RELN: variants seen among roughly 807,000 people sequenced by gnomAD.
RELN encodes reelin.
In RELN, 108 loss-of-function variants were observed where a neutral mutation model predicts 427.6. The observed-to-expected ratio is 0.25, with a 90% confidence interval of 0.22 to 0.30. The LOEUF is 0.30. Ranked by LOEUF, RELN falls within the 10% of genes least tolerant of loss-of-function variation. RELN has a pLI of 1.00. For missense variants in RELN, 3,715 were observed against 4,302.8 expected (o/e 0.86, Z 3.82); for synonymous variants, 1,524 against 1,513.4 (o/e 1.01, Z -0.16).
At chr7:103,796,895 G>GAAAAAAAAAAAAAAAAAAAAAAAAAAAAA (rs1563018914) in intron 3 of RELN, among the ~76,000 whole-genome samples, 1 of 105,780 alleles carries the variant, frequency 9.5e-6, no homozygotes, top group Non-Finnish European at 1.8e-5. Flanking sequence ...AAAAAAAAAA[G>GAAAAAAAAAAAAAAAAAAAAAAAAAAAAA]AAAGAAAGAA....
At chr7:103,955,829 C>G (rs1796421895) in intron 1 of RELN, among the ~76,000 whole-genome samples, 1 of 152,144 alleles carries the variant, frequency 6.6e-6, no homozygotes, top group South Asian at 2.1e-4. Flanking sequence ...AGCTTCAGAC[C>G]TTGTCCTGAG....
Position 103,651,808 on chromosome 7 carries a change from G to GCA in RELN, c.1764-21_1764-20dup. On this transcript the variant is annotated intron_variant, in intron 14 of 64. Transcript: ENST00000428762. Reference sequence around the variant, plus strand: ...GCTGACACTAATAAAACCAGAACAAGCACACACAAAAGGTGGGGAGGGTAA... The same window carrying GCA: ...GCTGACACTAATAAAACCAGAACAAGCACACACACAAAAGGTGGGGAGGGTAA... 6.2e-7 allele frequency: 1 copy of GCA among 1,609,510 alleles called. No individual in the cohort carries two copies. Among genetic ancestry groups the GCA allele is most frequent in the Non-Finnish European group, 8.5e-7 (1 of 1,177,250 alleles).
At chr7:103,591,912 T>C (rs1831424757) in intron 27 of RELN, among the ~76,000 whole-genome samples, 1 of 152,188 alleles carries the variant, frequency 6.6e-6, no homozygotes, top group African/African-American at 2.4e-5. Flanking sequence ...ATACATATGT[T>C]TAAGTCTCTC....
At chr7:103,521,985 A>C in intron 48 of RELN, 37 bp downstream of exon 48, 1 of 1,607,636 alleles carries the variant, frequency 6.2e-7, no homozygotes, top group Non-Finnish European at 8.5e-7. Context: ...GGAACTTAAG[A>C]AGAGCAGAAA....
chr7:103,481,944 A>G (rs73712399), intron 63 of RELN: 8,213 of 152,274 alleles, frequency 0.054, 720 homozygotes, highest in African/African-American at 0.19. Flanking sequence ...TGTGGGGACC[A>G]GGTTGCTCTT....
chr7:103,700,774 C>T (rs1834072964), intron 9 of RELN, 136 bp downstream of exon 9: 1 of 698,700 alleles, frequency 1.4e-6, no homozygotes, highest in Non-Finnish European at 2.6e-6. Flanking sequence ...ATATGTGCAT[C>T]CATAGAATTC....
chr7:103,540,348 A>G lies in RELN; in HGVS notation c.6779T>C (p.Leu2260Pro), dbSNP rs867067019. Reference sequence around the variant, plus strand: ...ATTGCTGAAAAGGAACTCCTGAAGAAGACTCCACGAGAGGCCACCGTTGAG... The same window carrying G: ...ATTGCTGAAAAGGAACTCCTGAAGAGGACTCCACGAGAGGCCACCGTTGAG... Reference protein sequence around the residue: ...YSLNGGLSWSLLQEFLFSNSS... With the variant: ...YSLNGGLSWSPLQEFLFSNSS... The change falls in exon 44 of 65, where the codon CTT becomes CCT. Residue 2260 changes from leucine to proline, a missense_variant. This residue lies in a region of RELN where 1,310 missense variants were observed against 1,643.0 expected (regional missense o/e 0.80). Transcript: ENST00000428762. 4.3e-6 allele frequency: 7 copies of G among 1,614,112 alleles called. 1 individual carries two copies. In the Middle Eastern group the frequency reaches 1.2e-3, roughly 266 times the overall value.
intron 3 of RELN, among the ~76,000 whole-genome samples, chr7:103,803,554 T>C (rs1792520700): frequency 6.6e-6 from 1 of 152,094 alleles, no homozygotes; most frequent in African/African-American, 2.4e-5. Flanking sequence ...ATTAAATAAA[T>C]ACTCTTTGGC....
At chr7:103,882,452 C>T (rs1012364286) in intron 2 of RELN, among the ~76,000 whole-genome samples, 1 of 151,994 alleles carries the variant, frequency 6.6e-6, no homozygotes, top group African/African-American at 2.4e-5. Flanking sequence ...CAATTTGGGT[C>T]CGTAAATTTT....
In RELN at chr7:103,872,027, TATA is replaced by T. The variant is rs769181056; in HGVS notation, c.338-38358_338-38356del. Among the ~76,000 whole-genome samples, 396 of 92,312 alleles carry T rather than the reference TATA, an allele frequency of 4.3e-3. 1 individual carries two copies. The highest frequency in any genetic ancestry group is 0.025 in the East Asian group (82 of 3,266). 60.6% of individuals were successfully genotyped at this position (92,312 alleles called of 152,430 possible). A position where few individuals can be genotyped will look rare whatever the true frequency, so the allele number is the denominator to read the frequency against. ...TACAGTATATGAATATATATATATA[TATA>T]TTTTTCTTTTTTCTTTTTTTTCTTT... On this transcript the variant is annotated intron_variant, in intron 2 of 64. Transcript: ENST00000428762.
At chr7:103,793,275 T>C (rs1259599769) in intron 3 of RELN, among the ~76,000 whole-genome samples, 1 of 152,246 alleles carries the variant, frequency 6.6e-6, no homozygotes, top group Non-Finnish European at 1.5e-5. Flanking sequence ...CTAGCATATG[T>C]ATAGCAAAGC....
chr7:103,495,430 A>T (rs1252393852), intron 57 of RELN, among the ~76,000 whole-genome samples: 1 of 149,498 alleles, frequency 6.7e-6, no homozygotes, highest in Non-Finnish European at 1.5e-5. Context: ...CCAGCCTCCC[A>T]AAGTGGTGGG....
Position 103,640,646 on chromosome 7 carries a change from A to G in RELN, c.2003-37T>C. The G allele has an allele frequency of 6.2e-7, 1 of 1,601,512 alleles. No homozygotes were observed. Among genetic ancestry groups the G allele is most frequent in the East Asian group, 2.2e-5 (1 of 44,578 alleles). ...AAAAAGAGAACATAATTACAAAAAC[A>G]TAGAACACTACCAGTACAATTTTGT... is the stretch of plus-strand genomic sequence containing the variant. On this transcript the variant is annotated intron_variant, in intron 16 of 64. Transcript: ENST00000428762. This position sits in a 1 kb window ranked among gnomAD's most constrained non-coding sequence, Gnocchi z 4.1.
chr7:103,720,886 T>C (rs1790059613), intron 8 of RELN, among the ~76,000 whole-genome samples: 1 of 152,152 alleles, frequency 6.6e-6, no homozygotes, highest in Non-Finnish European at 1.5e-5. Context: ...AAAACATTTC[T>C]GGAAAGTTCT....
intron 2 of RELN, among the ~76,000 whole-genome samples, chr7:103,891,800 A>G (rs150399964): frequency 2.3e-4 from 35 of 152,102 alleles, no homozygotes; most frequent in African/African-American, 8.0e-4. Flanking sequence ...TGATTTATTT[A>G]CTTCTCTTAA....
intron 1 of RELN, among the ~76,000 whole-genome samples, chr7:103,985,558 G>T (rs1797079503): frequency 6.6e-6 from 1 of 152,100 alleles, no homozygotes; most frequent in Admixed American, 6.6e-5. Flanking sequence ...ATGATTTCAG[G>T]GGCATCCAAG....
At chr7:103,585,523 C>CA (rs1234808609) in intron 28 of RELN, among the ~76,000 whole-genome samples, 2 of 152,102 alleles carry the variant, frequency 1.3e-5, no homozygotes, top group Non-Finnish European at 2.9e-5. Flanking sequence ...AAATTGTGAA[C>CA]ATGCCAATAA....
chr7:103,592,245 G>A (rs1052464071), intron 27 of RELN, among the ~76,000 whole-genome samples: 1 of 151,988 alleles, frequency 6.6e-6, no homozygotes, highest in African/African-American at 2.4e-5. Flanking sequence ...GTGTCCATGT[G>A]TTCTCATTGT....
intron 11 of RELN, among the ~76,000 whole-genome samples, chr7:103,670,787 G>C (rs1381828436): frequency 6.6e-6 from 1 of 151,988 alleles, no homozygotes; most frequent in Non-Finnish European, 1.5e-5. Context: ...ATAGGAATTA[G>C]AGATATAATA....
Sources: gnomAD v4.1 joint callset for allele counts (sites outside exome capture counted in the v4.1 genomes callset) on GRCh38, gnomAD v4.1.1 for gene constraint, gnomAD v4.1.1 regional missense constraint, Gnocchi (gnomAD v3.1) non-coding constraint, MANE v1.5 for transcripts, NCBI Gene and HGNC (gene_info 2026-07-23, HGNC 2026-07-21) for gene names.